The following NALCN variants were observed in gnomAD, a reference collection of about 807,000 sequenced individuals.
NALCN encodes the protein sodium leak channel, non-selective, also known as sodium leak channel NALCN.
Under a neutral mutation model 225.3 loss-of-function variants are expected in NALCN, and 111 were observed. The observed-to-expected ratio is 0.49, with a 90% CI of 0.42 to 0.58. The LOEUF is 0.58. Ranked by LOEUF, NALCN falls within the 20% of genes least tolerant of loss-of-function variation. NALCN has a pLI of 0.00. For missense variants in NALCN, 1,378 were observed against 2,202.4 expected, an observed-to-expected ratio of 0.63 and a Z score of 7.49; for synonymous variants, 764 against 769.0, an observed-to-expected ratio of 0.99 and a Z score of 0.11.
chr13:101,081,547 C>T lies in NALCN; in HGVS notation c.3865G>A (p.Val1289Met), dbSNP rs2033651263. ...CTTACCAGGAGGGCAAAGTGAAGCACCACCCATACAACGCCAAGCGACGTC... is the reference window on the plus strand; with the variant it reads ...CTTACCAGGAGGGCAAAGTGAAGCATCACCCATACAACGCCAAGCGACGTC... ...LVTSLGVVWV[V>M]LHFALLNAYT... Residue 1289 changes from valine (V) to methionine (M), a missense_variant, in exon 34 of 44, where the codon GTG becomes ATG. Physicochemically the swap from Val to Met is conservative, Grantham distance 21. Transcript: ENST00000251127. The T allele has an allele frequency of 6.2e-7, 1 of 1,614,110 alleles. No homozygotes were observed. Among genetic ancestry groups the T allele is most frequent in the Non-Finnish European group, 8.5e-7 (1 of 1,180,008 alleles).
Position 101,352,971 on chromosome 13 carries a change from A to T in NALCN, c.645-7551T>A, listed in dbSNP as rs568263146. Among the ~76,000 whole-genome samples, 5 of 152,362 alleles carry T rather than the reference A, an allele frequency of 3.3e-5. No homozygotes were observed. In the South Asian group the frequency reaches 8.3e-4, roughly 25 times the overall value. On this transcript the variant is annotated intron_variant, in intron 6 of 43. Coordinates refer to ENST00000251127, the MANE Select transcript of NALCN (RefSeq NM_052867.4). Reference sequence around the variant, plus strand: ...TTCCATAAGAAATTGTCAGTGATGTAAATAAATAAGTAGCCCAACAAATCC... The same window carrying T: ...TTCCATAAGAAATTGTCAGTGATGTTAATAAATAAGTAGCCCAACAAATCC...
intron 6 of NALCN, among the ~76,000 whole-genome samples, chr13:101,354,074 T>A (rs994667122): frequency 1.3e-5 from 2 of 152,312 alleles, no homozygotes; most frequent in Admixed American, 6.5e-5. Context: ...TCGGGTGCAG[T>A]GGCTCACGCC....
intron 41 of NALCN, 80 bp from the exon 42 acceptor site, chr13:101,060,047 T>C: frequency 6.6e-7 from 1 of 1,512,430 alleles, no homozygotes; most frequent in Middle Eastern, 2.1e-4. Flanking sequence ...CTTATTTTCT[T>C]CTCCCCTCTC....
At chr13:101,396,195 C>A (rs1265009460) in intron 2 of NALCN, among the ~76,000 whole-genome samples, 4 of 151,884 alleles carry the variant, frequency 2.6e-5, no homozygotes, top group Admixed American at 2.6e-4. Flanking sequence ...TGTGTGTTAA[C>A]ATGAATATAT....
chr13:101,066,379 G>A (rs1036614297), intron 39 of NALCN, among the ~76,000 whole-genome samples: 1 of 151,326 alleles, frequency 6.6e-6, no homozygotes, highest in African/African-American at 2.4e-5. Flanking sequence ...CTATATACAA[G>A]AGAATTAGGC....
At chr13:101,151,259 C>T (rs1425800153) in intron 15 of NALCN, among the ~76,000 whole-genome samples, 2 of 152,180 alleles carry the variant, frequency 1.3e-5, no homozygotes, top group East Asian at 1.9e-4. Context: ...TCTGCCTCAT[C>T]GCTTAAATCT....
intron 10 of NALCN, among the ~76,000 whole-genome samples, chr13:101,279,424 G>A (rs1258052247): frequency 6.6e-6 from 1 of 152,150 alleles, no homozygotes; most frequent in Non-Finnish European, 1.5e-5. Flanking sequence ...AGAAGAATGA[G>A]GAAGGATACA....
intron 7 of NALCN, among the ~76,000 whole-genome samples, chr13:101,300,453 C>CA (rs1290911084): frequency 6.3e-5 from 8 of 127,606 alleles, no homozygotes; most frequent in African/African-American, 2.4e-4. Flanking sequence ...TCTTCCTTTC[C>CA]TTTTTTTCTT....
chr13:101,055,944 C>G (rs1229724290), intron 43 of NALCN, among the ~76,000 whole-genome samples: 4 of 152,070 alleles, frequency 2.6e-5, no homozygotes, highest in African/African-American at 9.7e-5. Flanking sequence ...TGTTGGGACC[C>G]ACCTCTGCAA....
chr13:101,218,757 C>T (rs904420166), intron 13 of NALCN, among the ~76,000 whole-genome samples: 5 of 152,110 alleles, frequency 3.3e-5, no homozygotes, highest in African/African-American at 1.2e-4. Flanking sequence ...GACTTGCCTG[C>T]TTCCCCTTTG....
intron 18 of NALCN, among the ~76,000 whole-genome samples, chr13:101,112,705 G>C (rs1404808433): frequency 6.6e-6 from 1 of 152,116 alleles, no homozygotes; most frequent in East Asian, 1.9e-4. Context: ...ACACAATTCT[G>C]CCATTTTTTA....
intron 12 of NALCN, among the ~76,000 whole-genome samples, chr13:101,237,442 G>T (rs987251571): frequency 6.6e-5 from 10 of 151,964 alleles, no homozygotes; most frequent in South Asian, 6.2e-4. Context: ...AATTTGATAC[G>T]CATGTATGGA....
rs545096485 is a variant in NALCN, at chr13:101,142,897, T to C, written c.2118+183A>G. 8.4e-5 allele frequency: 68 copies of C among 809,480 alleles called. No individual in the cohort carries two copies. In the African/African-American group the frequency reaches 1.1e-3, roughly 13 times the overall value. 50.1% of individuals were successfully genotyped at this position (809,480 alleles called of 1,614,324 possible). ...CAGCTCAAAAGCTTACACGGGCAAA[T>C]GCAAAATTTCAATGCATAGAGTAAA... On this transcript the variant is annotated intron_variant, in intron 17 of 43. Coordinates refer to ENST00000251127, the MANE Select transcript of NALCN (RefSeq NM_052867.4).
rs778366992 is a variant in NALCN, at chr13:101,360,083, CTCTT to C, written c.645-14667_645-14664del. Among the ~76,000 whole-genome samples, 310 of 148,866 alleles carry C rather than the reference CTCTT, an allele frequency of 2.1e-3. 1 individual carries two copies. Among genetic ancestry groups the C allele is most frequent in the African/African-American group, 6.4e-3 (254 of 39,514 alleles). On this transcript the variant is annotated intron_variant, in intron 6 of 43. Coordinates refer to ENST00000251127, the MANE Select transcript of NALCN (RefSeq NM_052867.4). ...TTTCTTTCTTTTTCTTTCTTTCTTT[CTCTT>C]TCTTTCTTTTCTTTCTCTTTCTCTT...
chr13:101,140,288 G>T (rs2139774425), intron 17 of NALCN, among the ~76,000 whole-genome samples: 1 of 152,262 alleles, frequency 6.6e-6, no homozygotes, highest in Non-Finnish European at 1.5e-5. Context: ...ATTCTCTTTA[G>T]ACTCCTCCTC....
rs2031064208 is a variant in NALCN, at chr13:101,055,236, C to A, written c.*59G>T. On this transcript the variant is annotated 3_prime_UTR_variant, in exon 44 of 44. Coordinates refer to ENST00000251127, the MANE Select transcript of NALCN (RefSeq NM_052867.4). ...AATTACAGATTGCTCACTGGACAAT[C>A]AAGGACATTATTAGAAAACGGTTTC... 7.3e-7 allele frequency: 1 copy of A among 1,369,520 alleles called. No homozygotes were observed. The highest frequency in any genetic ancestry group is 1.8e-5 in the Admixed American group (1 of 54,966). The allele number at this position is 1,369,520 out of a possible 1,614,324, so 84.8% of individuals were successfully genotyped here. A position where few individuals can be genotyped will look rare whatever the true frequency, so the allele number is the denominator to read the frequency against.
intron 15 of NALCN, among the ~76,000 whole-genome samples, chr13:101,172,780 G>T (rs2038791678): frequency 6.6e-6 from 1 of 151,998 alleles, no homozygotes; most frequent in South Asian, 2.1e-4. Context: ...TGTTAGCCAG[G>T]ATGGTCTCGA....
At chr13:101,298,029 A>G (rs557759281) in intron 7 of NALCN, among the ~76,000 whole-genome samples, 1 of 152,302 alleles carries the variant, frequency 6.6e-6, no homozygotes, top group African/African-American at 2.4e-5. Context: ...CAACCACTAT[A>G]CATGGATGAC....
At chr13:101,310,900 T>TA (rs974129584) in intron 7 of NALCN, among the ~76,000 whole-genome samples, 8 of 152,140 alleles carry the variant, frequency 5.3e-5, no homozygotes, top group South Asian at 2.1e-4. Flanking sequence ...ATGGAATGTG[T>TA]AAAAAAATCT....
Sources: allele counts gnomAD v4.1 joint callset (sites outside exome capture counted in the v4.1 genomes callset), GRCh38; gene constraint gnomAD v4.1.1; transcripts MANE v1.5; gene names NCBI Gene and HGNC (gene_info 2026-07-23, HGNC 2026-07-21).